The following MALRD1 variants were observed in gnomAD, a reference collection of about 807,000 sequenced individuals.
MALRD1 encodes MAM and LDL receptor class A domain containing 1, also known as MAM and LDL-receptor class A domain-containing protein 1.
Under a neutral mutation model 242.1 loss-of-function variants are expected in MALRD1, and 247 were observed. The observed-to-expected ratio is 1.02, with a 90% CI of 0.92 to 1.13. MALRD1 has a LOEUF of 1.13. MALRD1 is among the 50% of genes most tolerant of loss of function. The pLI is 0.00. For synonymous variants in MALRD1, 995 were observed against 866.6 expected, an observed-to-expected ratio of 1.15 and a Z score of -2.60; for missense variants, 2,989 against 2,533.1, an observed-to-expected ratio of 1.18 and a Z score of -3.86.
intron 18 of MALRD1, among the ~76,000 whole-genome samples, chr10:19,219,221 A>T (rs1386384228): frequency 6.6e-6 from 1 of 152,148 alleles, no homozygotes; most frequent in African/African-American, 2.4e-5. Context: ...AGACATTGTA[A>T]TTTTGGAGGA....
At chr10:19,223,911 G>A (rs1164867454) in intron 18 of MALRD1, among the ~76,000 whole-genome samples, 1 of 152,140 alleles carries the variant, frequency 6.6e-6, no homozygotes. Flanking sequence ...GTATTCCACG[G>A]TGTATATGTG....
intron 36 of MALRD1, among the ~76,000 whole-genome samples, chr10:19,691,001 C>A (rs1390522325): frequency 6.6e-6 from 1 of 151,942 alleles, no homozygotes; most frequent in Admixed American, 6.6e-5. Flanking sequence ...GTGGCACTAT[C>A]AACATTTAAA....
chr10:19,378,180 A>T (rs1395993326), intron 26 of MALRD1, among the ~76,000 whole-genome samples: 1 of 152,114 alleles, frequency 6.6e-6, no homozygotes, highest in Admixed American at 6.5e-5. Flanking sequence ...CTCTATCTTG[A>T]ACTAGAACCA....
At chr10:19,679,931 T>A (rs1375634808) in intron 36 of MALRD1, among the ~76,000 whole-genome samples, 1 of 152,202 alleles carries the variant, frequency 6.6e-6, no homozygotes, top group African/African-American at 2.4e-5. Flanking sequence ...AGAAGCAGGT[T>A]GTTCAATTTC....
In MALRD1 at chr10:19,567,560, A is replaced by G. The variant is rs777140607; in HGVS notation, c.5537A>G (p.Lys1846Arg). 6.4e-7 allele frequency: 1 copy of G among 1,550,474 alleles called. No individual in the cohort carries two copies. Among genetic ancestry groups the G allele is most frequent in the South Asian group, 1.2e-5 (1 of 84,060 alleles). Reference sequence around the variant, plus strand: ...CTGGTGTGGTCAGTGATTGGAAATAAAAGAACGGGATGGACATATGGCTCT... The same window carrying G: ...CTGGTGTGGTCAGTGATTGGAAATAGAAGAACGGGATGGACATATGGCTCT... ...NILVWSVIGN[K>R]RTGWTYGSVP... Residue 1846 changes from lysine (K) to arginine (R), a missense_variant, in exon 33 of 40, where the codon AAA (lysine) becomes AGA (arginine). Transcript: ENST00000454679.
intron 38 of MALRD1, among the ~76,000 whole-genome samples, chr10:19,729,348 G>A (rs1486733091): frequency 1.3e-5 from 2 of 152,148 alleles, no homozygotes; most frequent in East Asian, 3.8e-4. Flanking sequence ...TTATATTACT[G>A]ACAAACATTA....
At chr10:19,096,213 G>T (rs1021248981) in intron 4 of MALRD1, among the ~76,000 whole-genome samples, 1 of 152,080 alleles carries the variant, frequency 6.6e-6, no homozygotes, top group Non-Finnish European at 1.5e-5. Context: ...CTATTCTCAA[G>T]TGATACATCC....
chr10:19,061,354 C>T (rs187027096), intron 1 of MALRD1, among the ~76,000 whole-genome samples: 1 of 152,192 alleles, frequency 6.6e-6, no homozygotes, highest in Non-Finnish European at 1.5e-5. Flanking sequence ...TCAGTACTAC[C>T]GAAAGCAATC....
At chr10:19,443,009 C>T (rs1168702982) in intron 28 of MALRD1, among the ~76,000 whole-genome samples, 1 of 151,916 alleles carries the variant, frequency 6.6e-6, no homozygotes, top group Non-Finnish European at 1.5e-5. Flanking sequence ...CTGATATTGA[C>T]CTATTCAGGG....
chr10:19,497,005 A>G (rs1040569430), intron 30 of MALRD1, among the ~76,000 whole-genome samples: 2 of 152,182 alleles, frequency 1.3e-5, no homozygotes, highest in South Asian at 2.1e-4. Context: ...TCCTGATTGG[A>G]TAAATATCTT....
At chr10:19,274,838 G>A (rs1840429086) in intron 19 of MALRD1, among the ~76,000 whole-genome samples, 1 of 151,170 alleles carries the variant, frequency 6.6e-6, no homozygotes, top group Non-Finnish European at 1.5e-5. Flanking sequence ...AGGAAGGAAG[G>A]GGAACAAGTG....
intron 32 of MALRD1, among the ~76,000 whole-genome samples, chr10:19,534,875 TTG>T (rs1438052602): frequency 6.3e-3 from 26 of 4,114 alleles, no homozygotes; most frequent in African/African-American, 0.016. Flanking sequence ...AAAGTTTTTG[TTG>T]TTGTTGTTGT....
At chr10:19,540,612 C>G (rs1274461054) in intron 32 of MALRD1, among the ~76,000 whole-genome samples, 9 of 152,042 alleles carry the variant, frequency 5.9e-5, no homozygotes, top group Admixed American at 5.9e-4. Context: ...TAATGAGCTG[C>G]TAAAAAGGCT....
At chr10:19,153,847 A>G (rs1588621624) in intron 11 of MALRD1, among the ~76,000 whole-genome samples, 1 of 151,564 alleles carries the variant, frequency 6.6e-6, no homozygotes, top group African/African-American at 2.4e-5. Context: ...CTTAATGTGT[A>G]CATGTTCTCA....
chr10:19,301,052 G>A (rs1191718073), intron 21 of MALRD1, among the ~76,000 whole-genome samples: 1 of 151,880 alleles, frequency 6.6e-6, no homozygotes, highest in Non-Finnish European at 1.5e-5. Flanking sequence ...AATGTGCAAA[G>A]GACATGAGCA....
At chr10:19,484,789 A>T (rs1331576811) in intron 29 of MALRD1, among the ~76,000 whole-genome samples, 1 of 152,250 alleles carries the variant, frequency 6.6e-6, no homozygotes, top group Non-Finnish European at 1.5e-5. Flanking sequence ...CTAAAGGTAG[A>T]TGTACCATTT....
chr10:19,058,304 G>A (rs957704607), intron 1 of MALRD1, among the ~76,000 whole-genome samples: 8 of 152,006 alleles, frequency 5.3e-5, no homozygotes, highest in Admixed American at 5.2e-4. Flanking sequence ...ATGAATATGA[G>A]GCAATTTCAT....
At chr10:19,244,481 G>A (rs955835222) in intron 18 of MALRD1, among the ~76,000 whole-genome samples, 1 of 151,954 alleles carries the variant, frequency 6.6e-6, no homozygotes, top group East Asian at 1.9e-4. Flanking sequence ...GAGGTGGGAG[G>A]ATGGCTTGAG....
At chr10:19,530,353 TAATATTTATATA>T (rs1242553084) in intron 31 of MALRD1, among the ~76,000 whole-genome samples, 7 of 106,334 alleles carry the variant, frequency 6.6e-5, no homozygotes, top group South Asian at 2.6e-4. Flanking sequence ...TATAAATATA[TAATATTTATATA>T]AATATTTATA....
Sources: gnomAD v4.1 joint callset for allele counts (sites outside exome capture counted in the v4.1 genomes callset) on GRCh38, gnomAD v4.1.1 for gene constraint, MANE v1.5 for transcripts, NCBI Gene and HGNC (gene_info 2026-07-23, HGNC 2026-07-21) for gene names.